The following ITPR3 variants were observed in gnomAD, a reference collection of about 807,000 sequenced individuals.
ITPR3 encodes the protein inositol 1,4,5-trisphosphate-gated calcium channel ITPR3.
Under a neutral mutation model 293.2 loss-of-function variants are expected in ITPR3, and 173 were observed. The ratio of observed to expected loss-of-function variants is 0.59; its 90% CI spans 0.52 to 0.67. ITPR3 has a LOEUF of 0.67. Among genes scored for constraint, ITPR3 ranks in the 30% least tolerant of loss-of-function variants. The pLI, the probability that ITPR3 is intolerant of heterozygous loss-of-function variation, is 0.00. For missense variants in ITPR3, 2,796 were observed against 3,592.1 expected, an observed-to-expected ratio of 0.78 and a Z score of 5.66; for synonymous variants, 1,295 against 1,444.4, an observed-to-expected ratio of 0.90 and a Z score of 2.35.
intron 28 of ITPR3, among the ~76,000 whole-genome samples, chr6:33,678,192 G>A (rs1026051247): frequency 2.0e-5 from 3 of 152,042 alleles, no homozygotes; most frequent in African/African-American, 7.2e-5. Context: ...TCACCTTGAC[G>A]CTGACCGTGA....
At chr6:33,688,843 G>A in intron 49 of ITPR3, 62 bp downstream of exon 49, 1 of 1,610,680 alleles carries the variant, frequency 6.2e-7, no homozygotes, top group Admixed American at 1.7e-5. Context: ...CCCTGGGTTG[G>A]GGCAGAGCCT....
At chr6:33,628,840 G>GCTCTC (rs758212637) in intron 1 of ITPR3, among the ~76,000 whole-genome samples, 46 of 152,292 alleles carry the variant, frequency 3.0e-4, no homozygotes, top group Non-Finnish European at 5.1e-4. Context: ...TTAGCAAATT[G>GCTCTC]CTCTCCCCAT....
chr6:33,694,708 C>A, intron 56 of ITPR3: 1 of 565,612 alleles, frequency 1.8e-6, no homozygotes, highest in Admixed American at 3.4e-5. Flanking sequence ...CGGAAGTCAG[C>A]CTGTCTCGGT....
chr6:33,626,055 C>T (rs763008085), intron 1 of ITPR3, among the ~76,000 whole-genome samples: 48 of 152,318 alleles, frequency 3.2e-4, no homozygotes, highest in Admixed American at 7.8e-4. Context: ...ACAACTCAGC[C>T]GCCCGAGTAG....
At chr6:33,685,600 C>T in intron 40 of ITPR3, 43 bp from the exon 41 acceptor site, 1 of 1,587,426 alleles carries the variant, frequency 6.3e-7, no homozygotes, top group Non-Finnish European at 8.6e-7. Flanking sequence ...GGGGGGTGGC[C>T]AAGGGGGTGG....
intron 1 of ITPR3, among the ~76,000 whole-genome samples, chr6:33,630,827 T>C (rs1432037194): frequency 2.0e-5 from 3 of 152,258 alleles, no homozygotes; most frequent in African/African-American, 7.2e-5. Flanking sequence ...TGTACTTGTT[T>C]TAAAATTCTA....
rs1561852566 is a variant in ITPR3 at position 33,638,764 on chromosome 6, A to G, written c.90-1720A>G. ...GGGGCTCCGTTCTCAAGGAACTCAC[A>G]GTGTAGACACAGCAAGTCAAGAAGT... On this transcript the variant is annotated intron_variant, in intron 1 of 57. Transcript: ENST00000605930. The surrounding 1 kb of genome is among the most constrained non-coding windows in gnomAD (Gnocchi z 4.3). Among the ~76,000 whole-genome samples the G allele has an allele frequency of 6.6e-6, 1 of 152,374 alleles. No homozygotes were observed. Among genetic ancestry groups the G allele is most frequent in the East Asian group, 1.9e-4 (1 of 5,190 alleles).
At position 33,690,171 on chromosome 6, in the gene ITPR3, T is replaced by G; in HGVS notation, c.7005T>G (p.Phe2335Leu). The G allele has an allele frequency of 6.2e-7, 1 of 1,612,152 alleles. No homozygotes were observed. Residue 2335 changes from phenylalanine (F) to leucine (L), a missense_variant, in exon 51 of 58, where the codon TTT (phenylalanine) becomes TTG (leucine). Phe to Leu is a conservative substitution (Grantham distance 22, BLOSUM62 0). Transcript: ENST00000605930. ...TCCTGACCAGTGTCCTGGGCCTCTT[T>G]GCTCATGAGCTGTTCTACAGCATCC... is the stretch of plus-strand genomic sequence containing the variant. ...GYILTSVLGL[F>L]AHELFYSILL...
chr6:33,689,352 T>C lies in ITPR3; in HGVS notation c.6809T>C (p.Leu2270Pro). 1 of 1,612,528 alleles carries C rather than the reference T, an allele frequency of 6.2e-7. No homozygotes were observed. The highest frequency in any genetic ancestry group is 8.5e-7 in the Non-Finnish European group (1 of 1,180,030). ...CGCCCCCTCATCGTGGCGCTCATCC[T>C]GCGCTCCATCTACTATCTGGGCATC... is the stretch of plus-strand genomic sequence containing the variant. Reference protein sequence around the residue: ...SIRPLIVALILRSIYYLGIGP... With the variant: ...SIRPLIVALIPRSIYYLGIGP... The change falls in exon 50 of 58, where the codon CTG becomes CCG. Residue 2270 changes from leucine to proline, a missense_variant. Coordinates refer to ENST00000605930, the MANE Select transcript of ITPR3 (RefSeq NM_002224.4).
rs35216305 is a variant in ITPR3 at position 33,691,826 on chromosome 6, G to A, written c.7356G>A (p.Glu2452=). ...LEEDRELDST[E]RACDTLLMCI... Reference sequence around the variant, plus strand: ...AGGACAGGGAGCTGGACAGCACAGAGCGGGCCTGTGACACTCTGTTGATGT... The same window carrying A: ...AGGACAGGGAGCTGGACAGCACAGAACGGGCCTGTGACACTCTGTTGATGT... Residue 2452 remains glutamate, a synonymous_variant, in exon 54 of 58, where the codon GAG becomes GAA. Transcript: ENST00000605930. The surrounding 1 kb of genome is among the most constrained non-coding windows in gnomAD (Gnocchi z 4.9). 2.3e-4 allele frequency: 366 copies of A among 1,614,120 alleles called. No homozygotes were observed. Among genetic ancestry groups the A allele is most frequent in the Admixed American group, 1.4e-3 (83 of 60,030 alleles).
intron 51 of ITPR3, 55 bp downstream of exon 51, chr6:33,690,253 T>C: frequency 6.6e-7 from 1 of 1,506,450 alleles, no homozygotes; most frequent in South Asian, 1.2e-5. Flanking sequence ...GGTTGGGGCT[T>C]CCCATGAGTT....
chr6:33,667,727 G>C lies in ITPR3; in HGVS notation c.1714-65G>C. On this transcript the variant is annotated intron_variant, in intron 15 of 57. Transcript: ENST00000605930. This position sits in a 1 kb window ranked among gnomAD's most constrained non-coding sequence, Gnocchi z 4.4. ...CTCGGGGTTTGGGGGCAGCGTTCCA[G>C]AGCAGAGCTGGGCCCTTGGCCCACC... 6.3e-7 allele frequency: 1 copy of C among 1,582,060 alleles called. No homozygotes were observed. The highest frequency in any genetic ancestry group is 8.6e-7 in the Non-Finnish European group (1 of 1,158,396).
chr6:33,677,428 C>T, intron 27 of ITPR3, 76 bp from the exon 28 acceptor site: 1 of 1,579,276 alleles, frequency 6.3e-7, no homozygotes, highest in South Asian at 1.2e-5. Context: ...CCAGCTGGAA[C>T]TTGGCTGTGG....
rs1427140912 is a variant in ITPR3 at position 33,660,483 on chromosome 6, C to T, written c.711+934C>T. On this transcript the variant is annotated intron_variant, in intron 7 of 57. Coordinates refer to ENST00000605930, the MANE Select transcript of ITPR3 (RefSeq NM_002224.4). ...CCTTCTTACCTCCTGGGCTGCTTCC[C>T]GTCTACCCATGCCCTGCCCCAATGC... Among the ~76,000 whole-genome samples the T allele has an allele frequency of 3.3e-5, 5 of 152,064 alleles. No homozygotes were observed. The South Asian group carries it at 8.3e-4, about 25-fold the overall frequency.
At chr6:33,694,646 G>T in intron 56 of ITPR3, 1 of 448,356 alleles carries the variant, frequency 2.2e-6, no homozygotes, top group Non-Finnish European at 4.1e-6. Context: ...AGAGTAAACA[G>T]ATGGTGCTGA....
chr6:33,678,685 A>G lies in ITPR3; in HGVS notation c.3818A>G (p.Gln1273Arg). The G allele has an allele frequency of 6.2e-7, 1 of 1,613,172 alleles. No homozygotes were observed. Among genetic ancestry groups the G allele is most frequent in the African/African-American group, 1.3e-5 (1 of 75,026 alleles). The change falls in exon 30 of 58, where the codon CAG (glutamine) becomes CGG (arginine). Residue 1273 changes from glutamine to arginine, a missense_variant. Gln to Arg is a conservative substitution (Grantham distance 43, BLOSUM62 1). Coordinates refer to ENST00000605930, the MANE Select transcript of ITPR3 (RefSeq NM_002224.4). ...CAGCACATCTTCCTGAACAACTATC[A>G]GCTCTGCTCCGAGATCAGCGAGCCT... is the stretch of plus-strand genomic sequence containing the variant. ...TMQHIFLNNY[Q>R]LCSEISEPVL...
At chr6:33,631,694 A>C (rs1276099084) in intron 1 of ITPR3, among the ~76,000 whole-genome samples, 4 of 152,158 alleles carry the variant, frequency 2.6e-5, no homozygotes, top group Non-Finnish European at 5.9e-5. Context: ...TTCCACAAGA[A>C]GCTGGTGGAG....
rs541746499 is a variant in ITPR3 at position 33,666,092 on chromosome 6, C to A, written c.1551+116C>A. ...AATCAGTATATATGGGGCACGACCA[C>A]GTGCCAGGGACTTCCCTAAGTACCC... On this transcript the variant is annotated intron_variant, in intron 14 of 57. Transcript: ENST00000605930. The surrounding 1 kb of genome is among the most constrained non-coding windows in gnomAD (Gnocchi z 5.1). 8.9e-6 allele frequency: 11 copies of A among 1,235,830 alleles called. No homozygotes were observed. The highest frequency in any genetic ancestry group is 1.1e-5 in the Non-Finnish European group (10 of 904,904). The allele number at this position is 1,235,830 out of a possible 1,614,324, so 76.6% of individuals were successfully genotyped here.
Position 33,621,716 on chromosome 6 carries a change from G to A in ITPR3, c.89+25G>A, listed in dbSNP as rs554411699. The A allele has an allele frequency of 7.0e-6, 11 of 1,570,910 alleles. No homozygotes were observed. In the African/African-American group the frequency reaches 1.4e-4, roughly 19 times the overall value. ...GGTGAGTGAGCCGAGCTCGAGAGGG[G>A]CGCGGGTAAAGAGGGGGCGCCGTGG... On this transcript the variant is annotated intron_variant, in intron 1 of 57. Coordinates refer to ENST00000605930, the MANE Select transcript of ITPR3 (RefSeq NM_002224.4). This position sits in a 1 kb window ranked among gnomAD's most constrained non-coding sequence, Gnocchi z 7.7.
Sources: allele counts gnomAD v4.1 joint callset (sites outside exome capture counted in the v4.1 genomes callset), GRCh38; gene constraint gnomAD v4.1.1; non-coding constraint Gnocchi (gnomAD v3.1); transcripts MANE v1.5; gene names NCBI Gene and HGNC (gene_info 2026-07-23, HGNC 2026-07-21).